The following GPNMB variants were observed in gnomAD, a reference collection of about 807,000 sequenced individuals.
The protein encoded by GPNMB is glycoprotein nmb.
In GPNMB, 71 loss-of-function variants were observed where a neutral mutation model predicts 57.3. The ratio of observed to expected loss-of-function variants is 1.24; its 90% CI spans 1.02 to 1.51. GPNMB has a LOEUF of 1.51. Ranked by LOEUF, GPNMB falls within the 40% of genes most tolerant of loss-of-function variation. GPNMB has a pLI of 0.00. For synonymous variants in GPNMB, 253 were observed against 263.2 expected, an observed-to-expected ratio of 0.96 and a Z score of 0.38; for missense variants, 677 against 691.9, an observed-to-expected ratio of 0.98 and a Z score of 0.24.
At chr7:23,262,618 T>C (rs1353969445) in intron 6 of GPNMB, among the ~76,000 whole-genome samples, 11 of 125,120 alleles carry the variant, frequency 8.8e-5, no homozygotes, top group African/African-American at 3.4e-4. Flanking sequence ...CTTTTTTTTT[T>C]TTTTTTTTTT....
chr7:23,268,131 C>G (rs959685970), intron 8 of GPNMB, 143 bp downstream of exon 8: 47 of 621,200 alleles, frequency 7.6e-5, no homozygotes, highest in Non-Finnish European at 9.2e-5. Context: ...TAACCCTAGA[C>G]AGGAAGGTCC....
Position 23,269,965 on chromosome 7 carries a change from A to G in GPNMB, c.1221-2A>G, listed in dbSNP as rs1322773531. The G allele has an allele frequency of 9.3e-6, 15 of 1,612,772 alleles. No individual in the cohort carries two copies. The highest frequency in any genetic ancestry group is 1.3e-5 in the Non-Finnish European group (15 of 1,179,056). ...CGCCCTCGCCCACCTCCCCTGTCGCAGCATTCCCACGGAGGTCTGTACCAT... is the reference window on the plus strand; with the variant it reads ...CGCCCTCGCCCACCTCCCCTGTCGCGGCATTCCCACGGAGGTCTGTACCAT... On this transcript the variant is annotated splice_acceptor_variant, in intron 8 of 10. Coordinates refer to ENST00000258733, the MANE Select transcript of GPNMB (RefSeq NM_002510.3). LOFTEE classifies it high-confidence loss of function.
At chr7:23,273,034 G>T (rs976112917) in intron 9 of GPNMB, 1 of 152,664 alleles carries the variant, frequency 6.6e-6, no homozygotes, top group Non-Finnish European at 1.5e-5. Flanking sequence ...GTAGAGCTGG[G>T]GTCTCACTAT....
In GPNMB at chr7:23,267,989, G is replaced by C. The variant is rs1692587111; in HGVS notation, c.1220+1G>C. 1 of 1,582,814 alleles carries C rather than the reference G, an allele frequency of 6.3e-7. No homozygotes were observed. Among genetic ancestry groups the C allele is most frequent in the East Asian group, 2.2e-5 (1 of 44,668 alleles). On this transcript the variant is annotated splice_donor_variant, in intron 8 of 10. Transcript: ENST00000258733. LOFTEE classifies it high-confidence loss of function. ...ACTTTGTCGTGACCTGCCAAGGGAG[G>C]TGAGTATATTATCTCCGACAGAGGC... is the stretch of plus-strand genomic sequence containing the variant.
chr7:23,265,253 G>A (rs1444426825), intron 6 of GPNMB, among the ~76,000 whole-genome samples: 2 of 152,076 alleles, frequency 1.3e-5, no homozygotes, highest in Admixed American at 1.3e-4. Context: ...AGAAGCCCTG[G>A]GGAAATCTCC....
intron 9 of GPNMB, among the ~76,000 whole-genome samples, chr7:23,270,843 TC>T (rs1783185473): frequency 1.3e-5 from 2 of 152,092 alleles, no homozygotes; most frequent in African/African-American, 4.8e-5. Flanking sequence ...GCATCCAACT[TC>T]CCCCAACCTC....
intron 9 of GPNMB, chr7:23,273,297 C>G (rs1783254798): frequency 1.2e-5 from 6 of 497,516 alleles, no homozygotes; most frequent in African/African-American, 9.8e-5. Flanking sequence ...ACATCTCTCC[C>G]CCGCGCCCTT....
intron 1 of GPNMB, chr7:23,247,255 A>C: frequency 3.0e-6 from 1 of 331,446 alleles, no homozygotes; most frequent in South Asian, 3.0e-5. Context: ...GAACAAAGCA[A>C]CTCCACCAAC....
intron 4 of GPNMB, 76 bp downstream of exon 4, chr7:23,257,141 AT>A (rs1782802626): frequency 8.1e-7 from 1 of 1,228,008 alleles, no homozygotes; most frequent in African/African-American, 1.5e-5. Context: ...TTACTCTATA[AT>A]TGAGAATGAT....
chr7:23,247,284 C>T lies in GPNMB; in HGVS notation c.70+357C>T, dbSNP rs1324108633. ...CACCAACTAAACTATGTCCAGCTTC[C>T]ATCCAAAAGGGTGGAGACCTCACAT... On this transcript the variant is annotated intron_variant, in intron 1 of 10. Transcript: ENST00000258733. 13 of 287,430 alleles carry T rather than the reference C, an allele frequency of 4.5e-5. No individual in the cohort carries two copies. In the East Asian group the frequency reaches 1.1e-3, roughly 24 times the overall value. 17.8% of individuals were successfully genotyped at this position (287,430 alleles called of 1,614,324 possible). A position where few individuals can be genotyped will look rare whatever the true frequency, so the allele number is the denominator to read the frequency against.
intron 1 of GPNMB, 70 bp downstream of exon 1, chr7:23,246,997 C>T: frequency 1.8e-6 from 2 of 1,112,960 alleles, no homozygotes; most frequent in Non-Finnish European, 2.8e-6. Flanking sequence ...CTAATAATAT[C>T]CTCTGAACTA....
In GPNMB at chr7:23,269,999, A is replaced by G. The variant is rs1783161243; in HGVS notation, c.1253A>G (p.Asp418Gly). 6.2e-7 allele frequency: 1 copy of G among 1,613,708 alleles called. No homozygotes were observed. Among genetic ancestry groups the G allele is most frequent in the Non-Finnish European group, 8.5e-7 (1 of 1,179,956 alleles). The change falls in exon 9 of 11, where the codon GAC becomes GGC. Residue 418 changes from aspartate to glycine, a missense_variant. By Grantham distance (94) the Asp-to-Gly change is moderately conservative. Coordinates refer to ENST00000258733, the MANE Select transcript of GPNMB (RefSeq NM_002510.3). ...ACGGAGGTCTGTACCATCATTTCTG[A>G]CCCCACCTGCGAGATCACCCAGAAC... is the stretch of plus-strand genomic sequence containing the variant. Reference protein sequence around the residue: ...IPTEVCTIISDPTCEITQNTV... With the variant: ...IPTEVCTIISGPTCEITQNTV...
intron 9 of GPNMB, among the ~76,000 whole-genome samples, chr7:23,271,656 C>G (rs960375473): frequency 3.3e-5 from 5 of 151,890 alleles, no homozygotes; most frequent in Admixed American, 3.3e-4. Flanking sequence ...ATTAGCCAGG[C>G]ATGGTGGTGG....
chr7:23,264,672 T>C (rs1458920827), intron 6 of GPNMB, among the ~76,000 whole-genome samples: 1 of 152,226 alleles, frequency 6.6e-6, no homozygotes, highest in African/African-American at 2.4e-5. Context: ...CCACCATGCC[T>C]GGCCTCCATA....
chr7:23,262,609 T>TA (rs1562639383), intron 6 of GPNMB, among the ~76,000 whole-genome samples: 1 of 4,024 alleles, frequency 2.5e-4, no homozygotes, highest in East Asian at 6.8e-3. Flanking sequence ...CACCATTCTC[T>TA]TTTTTTTTTT....
In GPNMB at chr7:23,254,153, C is replaced by G. The variant is rs199346; in HGVS notation, c.224-16C>G. 53,980 of 1,587,280 alleles carry G rather than the reference C, an allele frequency of 0.034. 1,556 individuals carry two copies. Among genetic ancestry groups the G allele is most frequent in the South Asian group, 0.096 (8,337 of 86,470 alleles). ...AAAGATGCTGGATCATCGAGCCCCACTTTTTTATACCCTAGGAGGCCGTGT... is the reference window on the plus strand; with the variant it reads ...AAAGATGCTGGATCATCGAGCCCCAGTTTTTTATACCCTAGGAGGCCGTGT... On this transcript the variant is annotated splice_polypyrimidine_tract_variant and intron_variant, in intron 2 of 10. Coordinates refer to ENST00000258733, the MANE Select transcript of GPNMB (RefSeq NM_002510.3).
rs900231575 is a variant in GPNMB at position 23,260,678 on chromosome 7, C to A, written c.923C>A (p.Thr308Asn). The change falls in exon 6 of 11, where the codon ACC (threonine) becomes AAC (asparagine). Residue 308 changes from threonine to asparagine, a missense_variant. By Grantham distance (65) the Thr-to-Asn change is moderately conservative. Transcript: ENST00000258733. Reference protein sequence around the residue: ...TVNHTYVLNGTFSLNLTVKAA... With the variant: ...TVNHTYVLNGNFSLNLTVKAA... ...AATCACACGTATGTGCTCAATGGAA[C>A]CTTCAGCCTTAACCTCACTGTGAAA... 15 of 1,613,724 alleles carry A rather than the reference C, an allele frequency of 9.3e-6. No homozygotes were observed. In the East Asian group the frequency reaches 1.1e-4, roughly 12 times the overall value.
At chr7:23,257,269 A>G in intron 4 of GPNMB, 2 of 606,102 alleles carry the variant, frequency 3.3e-6, no homozygotes, top group East Asian at 5.5e-5. Flanking sequence ...CGAAGAGTTA[A>G]AAAGAGAGAA....
At position 23,270,123 on chromosome 7, in the gene GPNMB, G is replaced by C. The variant is rs1228692759; in HGVS notation, c.1377G>C (p.Gly459=). 1.2e-6 allele frequency: 2 copies of C among 1,614,048 alleles called. No individual in the cohort carries two copies. The highest frequency in any genetic ancestry group is 2.2e-5 in the South Asian group (2 of 91,086). Residue 459 remains glycine, a synonymous_variant, in exon 9 of 11, where the codon GGG becomes GGC. Coordinates refer to ENST00000258733, the MANE Select transcript of GPNMB (RefSeq NM_002510.3). ...CGTACTGTGTGAACCTCACCCTGGG[G>C]GATGACACAAGCCTGGCTCTCACGA... ...SGTYCVNLTL[G]DDTSLALTST...
Sources: allele counts gnomAD v4.1 joint callset (sites outside exome capture counted in the v4.1 genomes callset), GRCh38; gene constraint gnomAD v4.1.1; transcripts MANE v1.5; gene names NCBI Gene and HGNC (gene_info 2026-07-23, HGNC 2026-07-21).